The following PTPRT variants were observed in gnomAD, a reference collection of about 807,000 sequenced individuals.
The protein encoded by PTPRT is receptor-type tyrosine-protein phosphatase T.
Under a neutral mutation model 176.8 loss-of-function variants are expected in PTPRT, and 56 were observed. The ratio of observed to expected loss-of-function variants is 0.32; its 90% CI spans 0.26 to 0.40. PTPRT has a LOEUF of 0.40. Among genes scored for constraint, PTPRT ranks in the 10% least tolerant of loss-of-function variants. The probability of loss-of-function intolerance (pLI) is 1.00; values close to 1 mark genes in which losing one functional copy is unlikely to be tolerated. For missense variants in PTPRT, 1,540 were observed against 1,908.2 expected, an observed-to-expected ratio of 0.81 and a Z score of 3.60; for synonymous variants, 783 against 739.0, an observed-to-expected ratio of 1.06 and a Z score of -0.96.
At chr20:42,544,588 T>C (rs6072783) in intron 7 of PTPRT, among the ~76,000 whole-genome samples, 56,672 of 151,910 alleles carry the variant, frequency 0.37, 10,624 homozygotes, top group Admixed American at 0.42. Flanking sequence ...AAACCCACTG[T>C]ATGCCAGACT....
intron 6 of PTPRT, among the ~76,000 whole-genome samples, chr20:42,751,324 T>C (rs2076766811): frequency 6.6e-6 from 1 of 152,160 alleles, no homozygotes; most frequent in Non-Finnish European, 1.5e-5. Flanking sequence ...TGTAACTAGA[T>C]GGCTGAGCAC....
intron 4 of PTPRT, among the ~76,000 whole-genome samples, chr20:42,776,541 A>T (rs1273138934): frequency 6.6e-6 from 1 of 152,142 alleles, no homozygotes; most frequent in African/African-American, 2.4e-5. Flanking sequence ...CCTCAGGAGA[A>T]ACTACGGTGG....
Position 42,084,714 on chromosome 20 carries a change from G to A in PTPRT, c.4104C>T (p.Asp1368=), listed in dbSNP as rs370589712. ...RRLEKWQEQY[D]GREGRTVVHC... ...GGACCACAGTACGTCCCTCCCTCCCGTCATACTGCTCCTGCCACTTCTCCA... is the reference window on the plus strand; with the variant it reads ...GGACCACAGTACGTCCCTCCCTCCCATCATACTGCTCCTGCCACTTCTCCA... Residue 1368 remains aspartate, a synonymous_variant, in exon 29 of 31, where the codon GAC becomes GAT. Transcript: ENST00000373187. 263 of 1,553,048 alleles carry A rather than the reference G, an allele frequency of 1.7e-4. 2 individuals carry two copies. The highest frequency in any genetic ancestry group is 1.2e-4 in the East Asian group (5 of 42,704).
chr20:43,180,341 A>ATCAATCTCTCTC (rs372896995), intron 1 of PTPRT, among the ~76,000 whole-genome samples: 1 of 115,018 alleles, frequency 8.7e-6, no homozygotes, highest in African/African-American at 3.4e-5. Context: ...AAATGAATCA[A>ATCAATCTCTCTC]TCTCTCTCTC....
At chr20:42,050,217 G>T in the PTPRT span, among the ~76,000 whole-genome samples, 1,246 of 152,252 alleles carry the variant, frequency 8.2e-3, 21 homozygotes, top group African/African-American at 0.029. Context: ...GTAGGATGCA[G>T]TTTCCTGCCT....
At chr20:42,130,313 G>A (rs1466504700) in intron 18 of PTPRT, among the ~76,000 whole-genome samples, 1 of 152,194 alleles carries the variant, frequency 6.6e-6, no homozygotes, top group Non-Finnish European at 1.5e-5. Context: ...GAGGGAGGTG[G>A]TGGAGTTGGC....
chr20:42,314,816 T>C (rs987626772), intron 12 of PTPRT, among the ~76,000 whole-genome samples: 140 of 152,226 alleles, frequency 9.2e-4, no homozygotes, highest in African/African-American at 3.2e-3. Flanking sequence ...TTTCAGTAAG[T>C]ACATTAAAAA....
chr20:42,276,228 A>C (rs752383809), intron 13 of PTPRT, among the ~76,000 whole-genome samples: 1 of 151,864 alleles, frequency 6.6e-6, no homozygotes, highest in Non-Finnish European at 1.5e-5. Flanking sequence ...GCTCTGCAGG[A>C]TCTCATCTAG....
chr20:43,033,814 G>T lies in PTPRT; in HGVS notation c.89-147882C>A, dbSNP rs150476352. ...CCTGCTCTACAGAAAAACACTGAGC[G>T]CAGTGACCTTAAGTAACTCTCAAGG... On this transcript the variant is annotated intron_variant, in intron 1 of 30. Transcript: ENST00000373187. 3.5e-3 allele frequency among the ~76,000 whole-genome samples: 537 copies of T among 152,258 alleles called. 4 individuals are homozygous for T. The highest frequency in any genetic ancestry group is 0.012 in the African/African-American group (512 of 41,558).
chr20:42,488,078 A>G (rs1180255476), intron 7 of PTPRT, among the ~76,000 whole-genome samples: 1 of 152,028 alleles, frequency 6.6e-6, no homozygotes, highest in African/African-American at 2.4e-5. Context: ...GTGTGCCCTT[A>G]TTTCATGATT....
intron 10 of PTPRT, among the ~76,000 whole-genome samples, chr20:42,351,558 T>C (rs1165362532): frequency 6.6e-6 from 1 of 152,220 alleles, no homozygotes. Flanking sequence ...ATTGCATACA[T>C]ATTTAGGATA....
Position 42,707,053 on chromosome 20 carries a change from G to C in PTPRT, c.860-28894C>G, listed in dbSNP as rs185019507. 5.3e-5 allele frequency among the ~76,000 whole-genome samples: 8 copies of C among 152,280 alleles called. No individual in the cohort carries two copies. The East Asian group carries it at 1.4e-3, about 26-fold the overall frequency. ...TTGCCAGGCAACCTCCAAAAGCCAG[G>C]AAGAGGCAAGGAAGAATTACCCTTC... On this transcript the variant is annotated intron_variant, in intron 6 of 30. Coordinates refer to ENST00000373187, the MANE Select transcript of PTPRT (RefSeq NM_007050.6).
intron 9 of PTPRT, among the ~76,000 whole-genome samples, chr20:42,442,127 A>G (rs1305436631): frequency 3.8e-4 from 58 of 152,112 alleles, no homozygotes. Flanking sequence ...AGAGCCAGGA[A>G]CCTTCTCTGG....
intron 7 of PTPRT, among the ~76,000 whole-genome samples, chr20:42,597,369 C>T (rs1195002570): frequency 6.6e-6 from 1 of 152,152 alleles, no homozygotes; most frequent in Non-Finnish European, 1.5e-5. Flanking sequence ...ACACCCATTG[C>T]CTTTGCCATA....
At chr20:42,739,324 G>A (rs2076575631) in intron 6 of PTPRT, among the ~76,000 whole-genome samples, 1 of 152,104 alleles carries the variant, frequency 6.6e-6, no homozygotes, top group South Asian at 2.1e-4. Context: ...GGAATGAGAA[G>A]GAAGGGAGAA....
intron 5 of PTPRT, among the ~76,000 whole-genome samples, chr20:42,770,583 C>G (rs1052114550): frequency 2.0e-5 from 3 of 151,604 alleles, no homozygotes; most frequent in Admixed American, 6.6e-5. Context: ...CCCTGATGGA[C>G]TTTACTAACG....
intron 2 of PTPRT, among the ~76,000 whole-genome samples, chr20:42,881,569 A>T (rs1026294913): frequency 2.0e-5 from 3 of 152,098 alleles, no homozygotes; most frequent in Non-Finnish European, 2.9e-5. Context: ...TACTAAAAAT[A>T]CAAAAGTTAG....
intron 5 of PTPRT, among the ~76,000 whole-genome samples, chr20:42,759,941 G>A (rs1029255253): frequency 6.6e-6 from 1 of 152,166 alleles, no homozygotes; most frequent in Non-Finnish European, 1.5e-5. Context: ...GCTTTCAGGA[G>A]AAAGGATATA....
intron 11 of PTPRT, among the ~76,000 whole-genome samples, chr20:42,335,382 T>C (rs73265773): frequency 1.6e-4 from 24 of 152,208 alleles, no homozygotes; most frequent in South Asian, 8.3e-4. Context: ...ATATTGGCTA[T>C]GGAGGTTCAC....
Sources: allele counts gnomAD v4.1 joint callset (sites outside exome capture counted in the v4.1 genomes callset), GRCh38; gene constraint gnomAD v4.1.1; transcripts MANE v1.5; gene names NCBI Gene and HGNC (gene_info 2026-07-23, HGNC 2026-07-21).